Variants in CDK17 observed in about 807,000 individuals in gnomAD.
CDK17 encodes the protein cyclin-dependent kinase 17.
Under a neutral mutation model 77.6 loss-of-function variants are expected in CDK17, and 24 were observed. The observed-to-expected ratio is 0.31, with a 90% CI of 0.22 to 0.44. The LOEUF (loss-of-function observed/expected upper bound fraction) is 0.44, where lower values mean the gene tolerates loss of function less well. Ranked by LOEUF, CDK17 falls within the 20% of genes least tolerant of loss-of-function variation. The probability of loss-of-function intolerance (pLI) is 1.00; values close to 1 mark genes in which losing one functional copy is unlikely to be tolerated. For synonymous variants in CDK17, 203 were observed against 210.4 expected (o/e 0.96, Z 0.30); for missense variants, 429 against 622.5 (o/e 0.69, Z 3.31).
chr12:96,346,025 A>G (rs999771169), intron 1 of CDK17, among the ~76,000 whole-genome samples: 2 of 152,222 alleles, frequency 1.3e-5, no homozygotes, highest in African/African-American at 4.8e-5. Context: ...CAATCCACCT[A>G]AATGCTGTCT....
intron 1 of CDK17, among the ~76,000 whole-genome samples, chr12:96,345,607 A>G (rs1482951870): frequency 6.6e-6 from 1 of 152,244 alleles, no homozygotes; most frequent in African/African-American, 2.4e-5. Context: ...TGCTGGGCAC[A>G]TAAAATATAA....
chr12:96,350,708 A>C (rs1405107144), intron 1 of CDK17, among the ~76,000 whole-genome samples: 3 of 152,184 alleles, frequency 2.0e-5, no homozygotes, highest in African/African-American at 7.2e-5. Context: ...TACACCATAT[A>C]CAAGAGTTAA....
chr12:96,395,059 A>G (rs939361629), intron 1 of CDK17, among the ~76,000 whole-genome samples: 1 of 151,954 alleles, frequency 6.6e-6, no homozygotes, highest in Admixed American at 6.6e-5. Flanking sequence ...TATTCTTAGT[A>G]GAGACCGGGT....
At chr12:96,310,566 GT>G (rs1156902578) in intron 5 of CDK17, among the ~76,000 whole-genome samples, 4 of 151,978 alleles carry the variant, frequency 2.6e-5, no homozygotes, top group Non-Finnish European at 4.4e-5. Flanking sequence ...AGTTGAGGAA[GT>G]GAGGAATACT....
chr12:96,339,025 C>T (rs530237643), intron 1 of CDK17, among the ~76,000 whole-genome samples: 11 of 151,858 alleles, frequency 7.2e-5, no homozygotes, highest in South Asian at 2.1e-4. Flanking sequence ...TTGCATTATC[C>T]GACTATACAG....
chr12:96,354,362 A>T (rs1358898151), intron 1 of CDK17, among the ~76,000 whole-genome samples: 1 of 152,244 alleles, frequency 6.6e-6, no homozygotes, highest in East Asian at 1.9e-4. Context: ...GCAAGAAAAT[A>T]GCACGTGTAT....
intron 1 of CDK17, among the ~76,000 whole-genome samples, chr12:96,338,306 C>T (rs983631988): frequency 6.6e-6 from 1 of 152,220 alleles, no homozygotes; most frequent in Non-Finnish European, 1.5e-5. Context: ...AAGCTACATA[C>T]CTTTTCCCTT....
chr12:96,371,767 T>C (rs61939088), intron 1 of CDK17, among the ~76,000 whole-genome samples: 467 of 152,258 alleles, frequency 3.1e-3, no homozygotes, highest in Non-Finnish European at 5.0e-3. Context: ...GAAATTTCAT[T>C]TCCCTTCAAA....
intron 11 of CDK17, among the ~76,000 whole-genome samples, chr12:96,287,043 T>C (rs1282486223): frequency 6.6e-6 from 1 of 152,174 alleles, no homozygotes; most frequent in Admixed American, 6.5e-5. Flanking sequence ...AGATTTACTA[T>C]GTGTTAGAAA....
chr12:96,303,043 A>T (rs1012529734), intron 5 of CDK17: 3 of 152,194 alleles, frequency 2.0e-5, no homozygotes, highest in Non-Finnish European at 4.4e-5. Context: ...GTACTTACTG[A>T]ATCTTTAAAT....
At chr12:96,358,828 G>A (rs1240141244) in intron 1 of CDK17, among the ~76,000 whole-genome samples, 3 of 137,402 alleles carry the variant, frequency 2.2e-5, no homozygotes, top group South Asian at 2.2e-4. Flanking sequence ...CTCGGCCTCC[G>A]TGCCCGCCCC....
At chr12:96,362,290 C>A (rs1193776562) in intron 1 of CDK17, among the ~76,000 whole-genome samples, 1 of 152,058 alleles carries the variant, frequency 6.6e-6, no homozygotes, top group Non-Finnish European at 1.5e-5. Context: ...CCCACATCGG[C>A]TCACTGCAAC....
At chr12:96,286,000 G>T (rs758379380) in intron 13 of CDK17, 43 bp downstream of exon 13, 9 of 941,774 alleles carry the variant, frequency 9.6e-6, no homozygotes, top group South Asian at 1.3e-5. Context: ...AGATTGAAAA[G>T]AATCATGTGT....
intron 2 of CDK17, among the ~76,000 whole-genome samples, chr12:96,330,320 T>C (rs746484592): frequency 3.9e-5 from 6 of 152,014 alleles, no homozygotes; most frequent in African/African-American, 1.4e-4. Flanking sequence ...ATCAAATACA[T>C]TGAGTGTTTA....
At chr12:96,292,306 T>C (rs967006283) in intron 10 of CDK17, among the ~76,000 whole-genome samples, 7 of 152,000 alleles carry the variant, frequency 4.6e-5, no homozygotes, top group South Asian at 2.1e-4. Flanking sequence ...ACTCCAAACA[T>C]AAAACTACCA....
chr12:96,376,541 C>G (rs1953785144), intron 1 of CDK17, among the ~76,000 whole-genome samples: 1 of 152,204 alleles, frequency 6.6e-6, no homozygotes, highest in African/African-American at 2.4e-5. Context: ...TACCACCAGA[C>G]AGCTTCCCAA....
intron 3 of CDK17, among the ~76,000 whole-genome samples, chr12:96,319,060 A>G (rs1329765888): frequency 1.4e-5 from 2 of 145,100 alleles, no homozygotes; most frequent in Non-Finnish European, 3.0e-5. Context: ...AGCAAGACTA[A>G]TAAAGAAAAA....
At chr12:96,386,197 T>C (rs1953971289) in intron 1 of CDK17, among the ~76,000 whole-genome samples, 1 of 152,208 alleles carries the variant, frequency 6.6e-6, no homozygotes, top group Non-Finnish European at 1.5e-5. Flanking sequence ...CATTTTGCCA[T>C]GTTGCCCAGG....
At chr12:96,356,101 A>C (rs1415951670) in intron 1 of CDK17, among the ~76,000 whole-genome samples, 11 of 152,112 alleles carry the variant, frequency 7.2e-5, no homozygotes, top group Admixed American at 7.2e-4. Context: ...TAAAATATTA[A>C]CTCTGTTAAT....
Sources: gnomAD v4.1 joint callset for allele counts (sites outside exome capture counted in the v4.1 genomes callset) on GRCh38, gnomAD v4.1.1 for gene constraint, MANE v1.5 for transcripts, NCBI Gene and HGNC (gene_info 2026-07-23, HGNC 2026-07-21) for gene names.